CNTN6: variants seen among roughly 807,000 people sequenced by gnomAD.
The protein encoded by CNTN6 is contactin-6.
Under a neutral mutation model 122.8 loss-of-function variants are expected in CNTN6, and 137 were observed. The ratio of observed to expected loss-of-function variants is 1.12; its 90% CI spans 0.97 to 1.29. The LOEUF is 1.29. Ranked by LOEUF, CNTN6 falls within the 50% of genes most tolerant of loss-of-function variation. CNTN6 has a pLI of 0.00. For synonymous variants in CNTN6, 570 were observed against 426.0 expected, an observed-to-expected ratio of 1.34 and a Z score of -4.16; for missense variants, 1,634 against 1,223.4, an observed-to-expected ratio of 1.34 and a Z score of -5.01.
Position 1,372,286 on chromosome 3 carries a change from T to A in CNTN6, c.1493-13T>A. The A allele has an allele frequency of 6.3e-7, 1 of 1,581,724 alleles. No homozygotes were observed. Among genetic ancestry groups the A allele is most frequent in the Non-Finnish European group, 8.6e-7 (1 of 1,167,976 alleles). On this transcript the variant is annotated splice_polypyrimidine_tract_variant and intron_variant, in intron 12 of 22. Transcript: ENST00000446702. ...TTTCATAAGCTTTAAAAAATAATTT[T>A]TTTTCTCAACAGAGAGAACTGTCAT...
At chr3:1,402,904 C>T in intron 22 of CNTN6, 1 of 192,540 alleles carries the variant, frequency 5.2e-6, no homozygotes, top group African/African-American at 2.4e-5. Context: ...TCATAAGGAG[C>T]TGAGTCACAA....
chr3:1,320,462 C>T (rs1370888723), intron 7 of CNTN6, among the ~76,000 whole-genome samples: 1 of 151,700 alleles, frequency 6.6e-6, no homozygotes, highest in Non-Finnish European at 1.5e-5. Flanking sequence ...CTCTCCAAAT[C>T]TTTATTTGCC....
At chr3:1,104,345 C>G (rs11926856) in intron 1 of CNTN6, among the ~76,000 whole-genome samples, 4,357 of 152,170 alleles carry the variant, frequency 0.029, 219 homozygotes, top group African/African-American at 0.099. Flanking sequence ...AATTATTCCT[C>G]TGTTTTTATA....
At chr3:1,355,365 TTCTAAG>T (rs1706381425) in intron 12 of CNTN6, among the ~76,000 whole-genome samples, 1 of 151,706 alleles carries the variant, frequency 6.6e-6, no homozygotes, top group African/African-American at 2.4e-5. Context: ...ACAAGCACAG[TTCTAAG>T]TCTATTATTA....
intron 12 of CNTN6, among the ~76,000 whole-genome samples, chr3:1,352,682 C>G (rs551601894): frequency 3.3e-5 from 5 of 151,844 alleles, no homozygotes; most frequent in Non-Finnish European, 7.4e-5. Context: ...GAGTGTCATT[C>G]GAGTTAAAAC....
chr3:1,272,800 TAC>T (rs1199564457), intron 4 of CNTN6, among the ~76,000 whole-genome samples: 1 of 152,168 alleles, frequency 6.6e-6, no homozygotes, highest in Non-Finnish European at 1.5e-5. Flanking sequence ...GCAGCAAATG[TAC>T]AGTTTTCTTG....
At position 1,325,902 on chromosome 3, in the gene CNTN6, C is replaced by T; in HGVS notation, c.1034C>T (p.Pro345Leu). The T allele has an allele frequency of 1.2e-6, 2 of 1,611,618 alleles. No individual in the cohort carries two copies. Among genetic ancestry groups the T allele is most frequent in the Non-Finnish European group, 1.7e-6 (2 of 1,178,528 alleles). The stretch of plus-strand genomic sequence containing the variant: ...TGGGAATGTAAAGCTAGTGGAAAGC[C>T]AAACCCTTGGTATACATGGTTAAAA... ...LLWECKASGK[P>L]NPWYTWLKNG... The change falls in exon 9 of 23, where the codon CCA becomes CTA. Residue 345 changes from proline (P) to leucine (L), a missense_variant. Physicochemically the swap from Pro to Leu is moderately conservative, Grantham distance 98. Transcript: ENST00000446702.
At chr3:1,358,056 A>C (rs933525638) in intron 12 of CNTN6, among the ~76,000 whole-genome samples, 3 of 151,844 alleles carry the variant, frequency 2.0e-5, no homozygotes, top group Admixed American at 2.0e-4. Flanking sequence ...CAGCTACTGT[A>C]ATAATTTTCT....
chr3:1,134,321 T>C (rs1360844383), intron 1 of CNTN6, among the ~76,000 whole-genome samples: 1 of 152,128 alleles, frequency 6.6e-6, no homozygotes. Context: ...ATGTTGCTGG[T>C]GATAGATAGT....
At chr3:1,330,062 G>A (rs988909402) in intron 11 of CNTN6, 127 bp downstream of exon 11, 46 of 567,920 alleles carry the variant, frequency 8.1e-5, no homozygotes, top group Middle Eastern at 5.0e-4. Context: ...ACCTAGAGAC[G>A]CCAGCATTCT....
intron 5 of CNTN6, among the ~76,000 whole-genome samples, chr3:1,291,976 C>T (rs192774311): frequency 7.2e-5 from 11 of 152,206 alleles, no homozygotes; most frequent in Non-Finnish European, 1.6e-4. Context: ...AATGTTGAGG[C>T]TGAAGGAAAC....
At chr3:1,389,748 G>A (rs1030866189) in intron 20 of CNTN6, among the ~76,000 whole-genome samples, 1 of 149,912 alleles carries the variant, frequency 6.7e-6, no homozygotes, top group East Asian at 1.9e-4. Context: ...AAAAAAGGCA[G>A]GGGTTGCAAT....
At chr3:1,113,147 G>C (rs950118086) in intron 1 of CNTN6, among the ~76,000 whole-genome samples, 3 of 152,116 alleles carry the variant, frequency 2.0e-5, no homozygotes, top group Non-Finnish European at 2.9e-5. Flanking sequence ...TAAGAGATGA[G>C]ACTGGAAAGC....
chr3:1,178,059 C>A (rs2093484123), intron 2 of CNTN6, among the ~76,000 whole-genome samples: 1 of 151,974 alleles, frequency 6.6e-6, no homozygotes, highest in African/African-American at 2.4e-5. Flanking sequence ...AACCACCACG[C>A]CTGATTAATT....
intron 4 of CNTN6, among the ~76,000 whole-genome samples, chr3:1,247,912 G>A (rs11921701): frequency 0.011 from 1,613 of 152,200 alleles, 27 homozygotes; most frequent in African/African-American, 0.035. Flanking sequence ...ATGTCACTGG[G>A]CATCTCACTA....
intron 2 of CNTN6, among the ~76,000 whole-genome samples, chr3:1,212,485 GTA>G (rs887940408): frequency 8.3e-6 from 1 of 120,132 alleles, no homozygotes; most frequent in Non-Finnish European, 1.7e-5. Context: ...ACATGTGTGT[GTA>G]TATATATACA....
At position 1,102,667 on chromosome 3, in the gene CNTN6, G is replaced by T. The variant is rs1459899780; in HGVS notation, c.-83+9547G>T. Among the ~76,000 whole-genome samples the T allele has an allele frequency of 1.3e-4, 19 of 149,984 alleles. 1 individual carries two copies. Among genetic ancestry groups the T allele is most frequent in the Admixed American group, 3.3e-4 (5 of 15,060 alleles). ...GGCGGGAACCCGGGGGGCGGAGCTT[G>T]CAGTGAGCAGAGATGGCGCCACCGC... On this transcript the variant is annotated intron_variant, in intron 1 of 22. Transcript: ENST00000446702.
chr3:1,234,840 A>G (rs1199350172), intron 4 of CNTN6, among the ~76,000 whole-genome samples: 1 of 152,194 alleles, frequency 6.6e-6, no homozygotes, highest in Non-Finnish European at 1.5e-5. Context: ...AATATTCTCA[A>G]TTTGTCTTAA....
At chr3:1,136,294 C>T (rs1410533830) in intron 1 of CNTN6, among the ~76,000 whole-genome samples, 4 of 152,226 alleles carry the variant, frequency 2.6e-5, no homozygotes, top group Admixed American at 6.5e-5. Context: ...GCTATTGACA[C>T]GATTAGGACT....
Sources: allele counts gnomAD v4.1 joint callset (sites outside exome capture counted in the v4.1 genomes callset), GRCh38; gene constraint gnomAD v4.1.1; transcripts MANE v1.5; gene names NCBI Gene and HGNC (gene_info 2026-07-23, HGNC 2026-07-21).